PALM2AKAP2: variants seen among roughly 807,000 people sequenced by gnomAD.
PALM2AKAP2 encodes the protein PALM2-AKAP2 fusion protein.
A neutral mutation model predicts 71.5 loss-of-function variants in PALM2AKAP2; 37 were observed. The observed-to-expected ratio is 0.52, with a 90% CI of 0.40 to 0.68. The LOEUF (loss-of-function observed/expected upper bound fraction) is 0.68, where lower values mean the gene tolerates loss of function less well. Ranked by LOEUF, PALM2AKAP2 falls within the 30% of genes least tolerant of loss-of-function variation. PALM2AKAP2 has a pLI of 0.00. For synonymous variants in PALM2AKAP2, 468 were observed against 478.8 expected (o/e 0.98, Z 0.29); for missense variants, 1,224 against 1,191.8 (o/e 1.03, Z -0.40).
At chr9:109,914,819 T>C (rs1286065565) in intron 3 of PALM2AKAP2, among the ~76,000 whole-genome samples, 5 of 152,188 alleles carry the variant, frequency 3.3e-5, no homozygotes, top group Non-Finnish European at 7.4e-5. Flanking sequence ...CAGCCCATCG[T>C]CAGGAATATG....
chr9:110,010,452 A>G (rs1372075769), intron 6 of PALM2AKAP2, among the ~76,000 whole-genome samples: 2 of 148,176 alleles, frequency 1.3e-5, no homozygotes, highest in East Asian at 1.9e-4. Flanking sequence ...TATACATACT[A>G]TATATATAAT....
intron 6 of PALM2AKAP2, among the ~76,000 whole-genome samples, chr9:109,976,428 AG>A (rs1264062507): frequency 1.3e-5 from 2 of 152,186 alleles, no homozygotes; most frequent in African/African-American, 4.8e-5. Flanking sequence ...AAGAAGTTTG[AG>A]GGCTTTGATG....
chr9:109,901,612 G>A (rs969458423), intron 3 of PALM2AKAP2, among the ~76,000 whole-genome samples: 1 of 152,154 alleles, frequency 6.6e-6, no homozygotes. Context: ...CTAAGTGGAG[G>A]GACTTAGAAT....
intron 1 of PALM2AKAP2, among the ~76,000 whole-genome samples, chr9:110,099,884 T>A (rs1392076241): frequency 4.6e-5 from 7 of 151,750 alleles, no homozygotes; most frequent in Non-Finnish European, 5.9e-5. Context: ...TGTTCCCTCC[T>A]TTCTCATTTT....
At chr9:109,722,212 A>C (rs182001177) in intron 1 of PALM2AKAP2, among the ~76,000 whole-genome samples, 1 of 152,364 alleles carries the variant, frequency 6.6e-6, no homozygotes, top group East Asian at 1.9e-4. Flanking sequence ...GAAATTATTT[A>C]TATACTGATG....
chr9:109,861,090 G>A (rs1027895519), intron 1 of PALM2AKAP2, among the ~76,000 whole-genome samples: 13 of 152,328 alleles, frequency 8.5e-5, no homozygotes, highest in Non-Finnish European at 1.9e-4. Context: ...GCCCTGGGGC[G>A]CGAGGTATCA....
chr9:110,004,230 G>A (rs142835815), intron 6 of PALM2AKAP2, among the ~76,000 whole-genome samples: 2,814 of 152,222 alleles, frequency 0.018, 96 homozygotes, highest in African/African-American at 0.065. Flanking sequence ...GCCTGGTGGT[G>A]ACAAAATCTC....
chr9:110,048,860 G>C, intron 1 of PALM2AKAP2: 1 of 1,521,834 alleles, frequency 6.6e-7, no homozygotes, highest in Non-Finnish European at 8.8e-7. Context: ...CCAGAGGTGG[G>C]TGTCCAAGCT....
chr9:109,648,842 A>G (rs903514978), intron 1 of PALM2AKAP2, among the ~76,000 whole-genome samples: 1 of 152,248 alleles, frequency 6.6e-6, no homozygotes, highest in Non-Finnish European at 1.5e-5. Context: ...AAACAGGGCC[A>G]AAGTGTATTA....
chr9:110,039,387 T>G (rs1442999729), intron 7 of PALM2AKAP2, among the ~76,000 whole-genome samples: 1 of 152,076 alleles, frequency 6.6e-6, no homozygotes, highest in African/African-American at 2.4e-5. Flanking sequence ...TTTGATAAAG[T>G]GAAAGAAAAT....
At chr9:109,832,984 C>T (rs1371696521) in intron 1 of PALM2AKAP2, among the ~76,000 whole-genome samples, 1 of 152,200 alleles carries the variant, frequency 6.6e-6, no homozygotes, top group Non-Finnish European at 1.5e-5. Flanking sequence ...AAGACAGGGG[C>T]TCTCTTGTTT....
chr9:109,771,440 A>C, intron 1 of PALM2AKAP2, among the ~76,000 whole-genome samples: 1 of 152,182 alleles, frequency 6.6e-6, no homozygotes, highest in East Asian at 1.9e-4. Flanking sequence ...AGGGTACTAG[A>C]CACCAAATAC....
At chr9:109,907,349 C>A (rs886789739) in intron 3 of PALM2AKAP2, among the ~76,000 whole-genome samples, 1 of 152,180 alleles carries the variant, frequency 6.6e-6, no homozygotes, top group Non-Finnish European at 1.5e-5. Context: ...AATGAGTGAC[C>A]CAGAACATTT....
intron 1 of PALM2AKAP2, among the ~76,000 whole-genome samples, chr9:109,812,666 C>T (rs1262374283): frequency 6.6e-6 from 1 of 152,208 alleles, no homozygotes; most frequent in African/African-American, 2.4e-5. Context: ...TAACATAAAT[C>T]AGGACAGTGC....
At chr9:109,787,403 G>C (rs1399606819) in intron 1 of PALM2AKAP2, among the ~76,000 whole-genome samples, 1 of 152,198 alleles carries the variant, frequency 6.6e-6, no homozygotes. Context: ...AATTTTGTTA[G>C]CCACAGCATT....
chr9:109,907,711 C>A (rs1424573927), intron 3 of PALM2AKAP2, among the ~76,000 whole-genome samples: 1 of 152,218 alleles, frequency 6.6e-6, no homozygotes, highest in Non-Finnish European at 1.5e-5. Flanking sequence ...TACAATAACT[C>A]TGGAATTATC....
At chr9:109,968,767 A>G (rs1323036066) in intron 6 of PALM2AKAP2, among the ~76,000 whole-genome samples, 4 of 152,118 alleles carry the variant, frequency 2.6e-5, no homozygotes, top group Non-Finnish European at 5.9e-5. Flanking sequence ...GGGCAGCTAC[A>G]TTTCACTTCA....
At chr9:109,842,752 T>C (rs1284866309) in intron 1 of PALM2AKAP2, among the ~76,000 whole-genome samples, 1 of 152,088 alleles carries the variant, frequency 6.6e-6, no homozygotes, top group African/African-American at 2.4e-5. Context: ...CAGTGGCTCA[T>C]GCTTGTAATC....
At chr9:110,082,392 T>G (rs1023026510) in intron 1 of PALM2AKAP2, among the ~76,000 whole-genome samples, 3 of 152,140 alleles carry the variant, frequency 2.0e-5, no homozygotes, top group Non-Finnish European at 4.4e-5. Flanking sequence ...GGTCAGGCTC[T>G]AAAACACCGT....
Sources: gnomAD v4.1 joint callset for allele counts (sites outside exome capture counted in the v4.1 genomes callset) on GRCh38, gnomAD v4.1.1 for gene constraint, MANE v1.5 for transcripts, NCBI Gene and HGNC (gene_info 2026-07-23, HGNC 2026-07-21) for gene names.